Variants in ACTL6B observed in about 807,000 individuals in gnomAD.
ACTL6B encodes the protein actin like 6B.
A neutral mutation model predicts 63.3 loss-of-function variants in ACTL6B; 48 were observed. The ratio of observed to expected loss-of-function variants is 0.76; its 90% CI spans 0.60 to 0.96. The LOEUF (loss-of-function observed/expected upper bound fraction) is 0.96. Ranked by LOEUF, ACTL6B falls within the 50% of genes least tolerant of loss-of-function variation. The pLI is 0.00. For missense variants in ACTL6B, 350 were observed against 572.2 expected (o/e 0.61, Z 3.96); for synonymous variants, 230 against 223.8 (o/e 1.03, Z -0.25).
intron 4 of ACTL6B, among the ~76,000 whole-genome samples, chr7:100,652,775 G>A (rs1405066013): frequency 1.3e-5 from 2 of 150,606 alleles, no homozygotes; most frequent in Non-Finnish European, 3.0e-5. Context: ...GGCCAAGGTC[G>A]GTGGATCACG....
In ACTL6B at chr7:100,646,333, G is replaced by A. The variant is rs752719143; in HGVS notation, c.1116C>T (p.Ser372=). 3.1e-6 allele frequency: 5 copies of A among 1,613,766 alleles called. No individual in the cohort carries two copies. In the African/African-American group the frequency reaches 6.7e-5, roughly 22 times the overall value. The change falls in exon 13 of 14, where the codon AGC becomes AGT. Residue 372 remains serine (S), a splice_region_variant and synonymous_variant. Transcript: ENST00000160382. The surrounding 1 kb of genome is among the most constrained non-coding windows in gnomAD (Gnocchi z 6.1). ...NRELSQKTPP[S]MRLKLIASNS... ...TGCTGGCAATGAGTTTCAGTCGCAT[G>A]CTCTGGGGGTAAAAAGGGGCTGGGG...
In ACTL6B at chr7:100,647,749, C is replaced by G. The variant is rs1254362281; in HGVS notation, c.670-216G>C. The G allele has an allele frequency of 1.9e-6, 1 of 531,920 alleles. No individual in the cohort carries two copies. Among genetic ancestry groups the G allele is most frequent in the African/African-American group, 1.9e-5 (1 of 52,928 alleles). 33.0% of individuals were successfully genotyped at this position (531,920 alleles called of 1,614,324 possible). On this transcript the variant is annotated intron_variant, in intron 7 of 13. Coordinates refer to ENST00000160382, the MANE Select transcript of ACTL6B (RefSeq NM_016188.5). This position sits in a 1 kb window ranked among gnomAD's most constrained non-coding sequence, Gnocchi z 4.4. ...CTTTCATGCGGTGGGTGCAGCTGAT[C>G]TGGAGAACACCAGGAATACAGCAGT...
Position 100,655,038 on chromosome 7 carries a change from A to G in ACTL6B, c.350T>C (p.Val117Ala). 6.2e-7 allele frequency: 1 copy of G among 1,614,024 alleles called. No individual in the cohort carries two copies. Among genetic ancestry groups the G allele is most frequent in the South Asian group, 1.1e-5 (1 of 91,080 alleles). The change falls in exon 4 of 14, where the codon GTG becomes GCG. Residue 117 changes from valine to alanine, a missense_variant. This residue lies in a region of ACTL6B where 250 missense variants were observed against 364.7 expected (regional missense o/e 0.69). Transcript: ENST00000160382. The surrounding 1 kb of genome is among the most constrained non-coding windows in gnomAD (Gnocchi z 4.4). ...HVKSEPNLHP[V>A]LMSEAPWNTR... ...ACTCACCGGAGCCTCGGACATGAGC[A>G]CTGGGTGCAGGTTTGGCTCAGACTT...
At position 100,647,305 on chromosome 7, in the gene ACTL6B, G is replaced by A. The variant is rs369078607; in HGVS notation, c.760-21C>T. 6.2e-7 allele frequency: 1 copy of A among 1,612,692 alleles called. No homozygotes were observed. The highest frequency in any genetic ancestry group is 8.5e-7 in the Non-Finnish European group (1 of 1,179,764). Reference sequence around the variant, plus strand: ...ACCTCCTGAAATCCCAGCGGAGGTGGTGAGGGCCTGCCTTCCCCGTGAGCA... The same window carrying A: ...ACCTCCTGAAATCCCAGCGGAGGTGATGAGGGCCTGCCTTCCCCGTGAGCA... On this transcript the variant is annotated intron_variant, in intron 8 of 13. Transcript: ENST00000160382. This position sits in a 1 kb window ranked among gnomAD's most constrained non-coding sequence, Gnocchi z 4.4.
Position 100,655,985 on chromosome 7 carries a change from C to T in ACTL6B, c.26-106G>A. On this transcript the variant is annotated intron_variant, in intron 1 of 13. Transcript: ENST00000160382. The surrounding 1 kb of genome is among the most constrained non-coding windows in gnomAD (Gnocchi z 4.4). ...AGCCACAGTCTCGCCACTTTCAACA[C>T]CAGTCTGGGGCCGGTGGGAGCTGGG... 1 of 1,190,282 alleles carries T rather than the reference C, an allele frequency of 8.4e-7. No individual in the cohort carries two copies. The highest frequency in any genetic ancestry group is 1.2e-6 in the Non-Finnish European group (1 of 852,222). The allele number at this position is 1,190,282 out of a possible 1,614,324, so 73.7% of individuals were successfully genotyped here.
chr7:100,643,367 A>G (rs750119160), intron 13 of ACTL6B, 41 bp from the exon 14 acceptor site: 1 of 1,607,354 alleles, frequency 6.2e-7, no homozygotes, highest in African/African-American at 1.3e-5. Flanking sequence ...GTGGCCTTGG[A>G]GGGAGGTGTG....
In ACTL6B at chr7:100,646,688, C is replaced by T. The variant is rs201854443; in HGVS notation, c.1018-42G>A. On this transcript the variant is annotated intron_variant, in intron 11 of 13. Coordinates refer to ENST00000160382, the MANE Select transcript of ACTL6B (RefSeq NM_016188.5). The surrounding 1 kb of genome is among the most constrained non-coding windows in gnomAD (Gnocchi z 6.1). ...GGAGTGAGCTGCGGGGGCAGCCCCC[C>T]AACCCCGTCTCCCCACTTCCCCTGG... 1.9e-4 allele frequency: 303 copies of T among 1,613,158 alleles called. 1 individual carries two copies. In the African/African-American group the frequency reaches 3.6e-3, roughly 19 times the overall value.
Position 100,647,250 on chromosome 7 carries a change from T to G in ACTL6B, c.794A>C (p.Gln265Pro). The change falls in exon 9 of 14, where the codon CAG becomes CCG. Residue 265 changes from glutamine to proline, a missense_variant. Gln to Pro is a moderately conservative substitution (Grantham distance 76). Coordinates refer to ENST00000160382, the MANE Select transcript of ACTL6B (RefSeq NM_016188.5). This position sits in a 1 kb window ranked among gnomAD's most constrained non-coding sequence, Gnocchi z 4.4. ...VIQDFQASVL[Q>P]VSDSPYDEQV... Reference sequence around the variant, plus strand: ...TTCATCGTAGGGGGAGTCTGAGACCTGCAGCACGGAGGCCTGGAAGTCCTG... The same window carrying G: ...TTCATCGTAGGGGGAGTCTGAGACCGGCAGCACGGAGGCCTGGAAGTCCTG... 2 of 1,600,068 alleles carry G rather than the reference T, an allele frequency of 1.2e-6. No individual in the cohort carries two copies. Among genetic ancestry groups the G allele is most frequent in the Non-Finnish European group, 1.7e-6 (2 of 1,173,112 alleles).
At position 100,646,285 on chromosome 7, in the gene ACTL6B, G is replaced by A. The variant is rs773548732; in HGVS notation, c.1164C>T (p.Phe388=). 1 of 1,614,204 alleles carries A rather than the reference G, an allele frequency of 6.2e-7. No individual in the cohort carries two copies. The highest frequency in any genetic ancestry group is 8.5e-7 in the Non-Finnish European group (1 of 1,180,042). Residue 388 remains phenylalanine (F), a synonymous_variant, in exon 13 of 14, where the codon TTC becomes TTT. Coordinates refer to ENST00000160382, the MANE Select transcript of ACTL6B (RefSeq NM_016188.5). The surrounding 1 kb of genome is among the most constrained non-coding windows in gnomAD (Gnocchi z 6.1). ...GGATGGAACCCCCGATCCAGGGGCT[G>A]AACTTGCGCTCCATGGTGCTGTTGC... ...IASNSTMERK[F]SPWIGGSILA... is the part of the protein sequence containing the mutation.
In ACTL6B at chr7:100,656,438, G is replaced by T; in HGVS notation, c.-84C>A. On this transcript the variant is annotated 5_prime_UTR_variant, in exon 1 of 14. Transcript: ENST00000160382. ...CGGACAGCTCCCGGGATCCCTGGCG[G>T]GGCGGGACTCTCAGCGGCCAATTGG... is the stretch of plus-strand genomic sequence containing the variant. 1.6e-6 allele frequency: 2 copies of T among 1,249,412 alleles called. No homozygotes were observed. Among genetic ancestry groups the T allele is most frequent in the South Asian group, 2.9e-5 (1 of 34,762 alleles). The allele number at this position is 1,249,412 out of a possible 1,614,324, so 77.4% of individuals were successfully genotyped here.
Position 100,655,658 on chromosome 7 carries a change from C to T in ACTL6B, c.103-72G>A. 6.5e-7 allele frequency: 1 copy of T among 1,547,792 alleles called. No homozygotes were observed. Among genetic ancestry groups the T allele is most frequent in the East Asian group, 2.3e-5 (1 of 43,496 alleles). ...CTCTTGCCCCTGTCCAGCCCCACAGCAGGGTCCTCAGACCGCCCCTGGGTT... is the reference window on the plus strand; with the variant it reads ...CTCTTGCCCCTGTCCAGCCCCACAGTAGGGTCCTCAGACCGCCCCTGGGTT... On this transcript the variant is annotated intron_variant, in intron 2 of 13. Coordinates refer to ENST00000160382, the MANE Select transcript of ACTL6B (RefSeq NM_016188.5). The surrounding 1 kb of genome is among the most constrained non-coding windows in gnomAD (Gnocchi z 4.4).
At position 100,652,421 on chromosome 7, in the gene ACTL6B, C is replaced by CA. The variant is rs35689439; in HGVS notation, c.370-2287dup. The stretch of plus-strand genomic sequence containing the variant: ...TGGGCAACAGAGTGAGACTCCATCT[C>CA]AAAAAAAAAAAAAAAAATACAAAAA... On this transcript the variant is annotated intron_variant, in intron 4 of 13. Coordinates refer to ENST00000160382, the MANE Select transcript of ACTL6B (RefSeq NM_016188.5). Among the ~76,000 whole-genome samples the CA allele has an allele frequency of 4.8e-3, 456 of 94,932 alleles. 1 individual carries two copies. The highest frequency in any genetic ancestry group is 9.2e-3 in the South Asian group (26 of 2,828). The allele number at this position is 94,932 out of a possible 152,430, so 62.3% of individuals were successfully genotyped here.
chr7:100,643,389 G>T, intron 13 of ACTL6B, 63 bp from the exon 14 acceptor site: 1 of 1,566,606 alleles, frequency 6.4e-7, no homozygotes, highest in Non-Finnish European at 8.8e-7. Flanking sequence ...ACAGGCAGGT[G>T]CAGCCCCTGG....
In ACTL6B at chr7:100,648,403, C is replaced by T. The variant is rs984208580; in HGVS notation, c.669+153G>A. 7 of 653,982 alleles carry T rather than the reference C, an allele frequency of 1.1e-5. No homozygotes were observed. The highest frequency in any genetic ancestry group is 2.1e-5 in the South Asian group (1 of 46,898). The allele number at this position is 653,982 out of a possible 1,614,324, so 40.5% of individuals were successfully genotyped here. A position where few individuals can be genotyped will look rare whatever the true frequency, so the allele number is the denominator to read the frequency against. ...CATATCCCTCAGCCTGTCTGGATTTCGGATGCCTCGATTATAAAAGGAGGA... is the reference window on the plus strand; with the variant it reads ...CATATCCCTCAGCCTGTCTGGATTTTGGATGCCTCGATTATAAAAGGAGGA... On this transcript the variant is annotated intron_variant, in intron 7 of 13. Coordinates refer to ENST00000160382, the MANE Select transcript of ACTL6B (RefSeq NM_016188.5). This position sits in a 1 kb window ranked among gnomAD's most constrained non-coding sequence, Gnocchi z 4.4.
At chr7:100,654,251 C>A (rs1487251887) in intron 4 of ACTL6B, among the ~76,000 whole-genome samples, 1 of 151,548 alleles carries the variant, frequency 6.6e-6, no homozygotes, top group Non-Finnish European at 1.5e-5. Context: ...GGATTACAGG[C>A]GTGAGCCACC....
chr7:100,650,450 C>T (rs1016933163), intron 4 of ACTL6B, among the ~76,000 whole-genome samples: 12 of 151,926 alleles, frequency 7.9e-5, no homozygotes, highest in South Asian at 4.2e-4. Context: ...CACAAACACA[C>T]GGTCAAACAC....
At position 100,646,732 on chromosome 7, in the gene ACTL6B, A is replaced by G. The variant is rs1226655327; in HGVS notation, c.1017+19T>C. The G allele has an allele frequency of 6.2e-7, 1 of 1,613,116 alleles. No homozygotes were observed. The highest frequency in any genetic ancestry group is 8.5e-7 in the Non-Finnish European group (1 of 1,179,878). ...CCCCTGGGCCCCTTTGCCGAGCCTC[A>G]GCTCCGGCCTGGCCTCACCGGGCGA... On this transcript the variant is annotated intron_variant, in intron 11 of 13. Transcript: ENST00000160382. This position sits in a 1 kb window ranked among gnomAD's most constrained non-coding sequence, Gnocchi z 6.1.
chr7:100,646,694 C>G lies in ACTL6B; in HGVS notation c.1018-48G>C. On this transcript the variant is annotated intron_variant, in intron 11 of 13. Coordinates refer to ENST00000160382, the MANE Select transcript of ACTL6B (RefSeq NM_016188.5). This position sits in a 1 kb window ranked among gnomAD's most constrained non-coding sequence, Gnocchi z 6.1. ...AGCTGCGGGGGCAGCCCCCCAACCC[C>G]GTCTCCCCACTTCCCCTGGGCCCCT... 6.2e-7 allele frequency: 1 copy of G among 1,613,186 alleles called. No individual in the cohort carries two copies. The highest frequency in any genetic ancestry group is 8.5e-7 in the Non-Finnish European group (1 of 1,179,630).
In ACTL6B at chr7:100,647,203, A is replaced by G. The variant is rs1388499785; in HGVS notation, c.821+20T>C. The G allele has an allele frequency of 6.2e-7, 1 of 1,606,394 alleles. No individual in the cohort carries two copies. Among genetic ancestry groups the G allele is most frequent in the African/African-American group, 1.3e-5 (1 of 74,256 alleles). On this transcript the variant is annotated intron_variant, in intron 9 of 13. Coordinates refer to ENST00000160382, the MANE Select transcript of ACTL6B (RefSeq NM_016188.5). This position sits in a 1 kb window ranked among gnomAD's most constrained non-coding sequence, Gnocchi z 4.4. ...CGGTTCTGCCCTCTCTCCCACCCCAAAGCCCTGAGCCACACTCACTGTTCA... is the reference window on the plus strand; with the variant it reads ...CGGTTCTGCCCTCTCTCCCACCCCAGAGCCCTGAGCCACACTCACTGTTCA...
Sources: gnomAD v4.1 joint callset for allele counts (sites outside exome capture counted in the v4.1 genomes callset) on GRCh38, gnomAD v4.1.1 for gene constraint, gnomAD v4.1.1 regional missense constraint, Gnocchi (gnomAD v3.1) non-coding constraint, MANE v1.5 for transcripts, NCBI Gene and HGNC (gene_info 2026-07-23, HGNC 2026-07-21) for gene names.